Variants in CENPO observed in about 807,000 individuals in gnomAD.
The protein encoded by CENPO is centromere protein O.
In CENPO, 30 loss-of-function variants were observed where a neutral mutation model predicts 36.1. That is an observed-to-expected ratio of 0.83 (90% confidence interval 0.62 to 1.13). The LOEUF is 1.13. Among genes scored for constraint, CENPO ranks in the 50% most tolerant of loss-of-function variants. CENPO has a pLI of 0.00. For missense variants in CENPO, 349 were observed against 357.8 expected, an observed-to-expected ratio of 0.98 and a Z score of 0.20; for synonymous variants, 171 against 142.3, an observed-to-expected ratio of 1.20 and a Z score of -1.44.
chr2:24,822,351 T>C lies in CENPO; in HGVS notation c.*3033T>C, dbSNP rs903761674. 71 of 1,070,234 alleles carry C rather than the reference T, an allele frequency of 6.6e-5. No homozygotes were observed. The highest frequency in any genetic ancestry group is 1.9e-4 in the Admixed American group (8 of 42,958). The allele number at this position is 1,070,234 out of a possible 1,614,324, so 66.3% of individuals were successfully genotyped here. ...CTGTTTCTCTGCTTGCCGAACTTTC[T>C]CAATAAACCCTATTTCTTATTTATA... On this transcript the variant is annotated 3_prime_UTR_variant, in exon 8 of 8. Coordinates refer to ENST00000380834, the MANE Select transcript of CENPO (RefSeq NM_001322101.2).
intron 5 of CENPO, chr2:24,816,367 G>A (rs1004818298): frequency 2.9e-6 from 1 of 345,968 alleles, no homozygotes; most frequent in Non-Finnish European, 5.2e-6. Flanking sequence ...AAGCATCTTA[G>A]CCGTGTAACG....
At chr2:24,814,233 T>C in intron 3 of CENPO, 143 bp from the exon 4 acceptor site, 1 of 667,874 alleles carries the variant, frequency 1.5e-6, no homozygotes, top group Non-Finnish European at 2.7e-6. Context: ...AGTGAATTCA[T>C]AGCAATAACT....
At chr2:24,795,050 T>TA (rs1456591433) in intron 2 of CENPO, among the ~76,000 whole-genome samples, 1 of 152,224 alleles carries the variant, frequency 6.6e-6, no homozygotes, top group African/African-American at 2.4e-5. Context: ...GATTTATTGT[T>TA]ACTTTAAGAC....
chr2:24,796,344 AT>A (rs2148248138), intron 2 of CENPO, among the ~76,000 whole-genome samples: 1 of 152,100 alleles, frequency 6.6e-6, no homozygotes, highest in South Asian at 2.1e-4. Context: ...ACAGAGTGAG[AT>A]TTCGTCTCAG....
intron 2 of CENPO, among the ~76,000 whole-genome samples, chr2:24,797,464 A>G (rs1005422915): frequency 3.9e-5 from 6 of 152,196 alleles, no homozygotes; most frequent in African/African-American, 9.7e-5. Flanking sequence ...ATGGCCATTA[A>G]GGCTGTGGGT....
rs375613704 is a variant in CENPO at position 24,815,706 on chromosome 2, G to A, written c.544G>A (p.Glu182Lys). ...NIQHFLFSLCEYLNAYSGRKY... is the reference protein window; with the variant it reads ...NIQHFLFSLCKYLNAYSGRKY... ...CCAGCACTTCCTGTTCAGTCTCTGCGAGTACCTGAATGCTTACTCTGGGAG... is the reference window on the plus strand; with the variant it reads ...CCAGCACTTCCTGTTCAGTCTCTGCAAGTACCTGAATGCTTACTCTGGGAG... The change falls in exon 5 of 8, where the codon GAG becomes AAG. Residue 182 changes from glutamate to lysine, a missense_variant. Physicochemically the swap from Glu to Lys is moderately conservative, Grantham distance 56 (BLOSUM62 1). Transcript: ENST00000380834. 7 of 1,614,078 alleles carry A rather than the reference G, an allele frequency of 4.3e-6. No homozygotes were observed. The highest frequency in any genetic ancestry group is 4.5e-5 in the East Asian group (2 of 44,884).
chr2:24,822,304 A>G lies in CENPO; in HGVS notation c.*2986A>G. 3.1e-6 allele frequency: 2 copies of G among 636,250 alleles called. No homozygotes were observed. The highest frequency in any genetic ancestry group is 5.2e-6 in the Non-Finnish European group (2 of 386,250). The allele number at this position is 636,250 out of a possible 1,614,324, so 39.4% of individuals were successfully genotyped here. On this transcript the variant is annotated 3_prime_UTR_variant, in exon 8 of 8. Coordinates refer to ENST00000380834, the MANE Select transcript of CENPO (RefSeq NM_001322101.2). ...ACCATCTTAGGCCTGAGCTGTGAAC[A>G]GCAGGGGGTTGTGTGTCTGTTCTGT...
Position 24,820,996 on chromosome 2 carries a change from G to C in CENPO, c.*1678G>C, listed in dbSNP as rs1194744401. The C allele has an allele frequency of 8.6e-7, 1 of 1,167,106 alleles. No individual in the cohort carries two copies. Among genetic ancestry groups the C allele is most frequent in the Non-Finnish European group, 1.2e-6 (1 of 838,784 alleles). 72.3% of individuals were successfully genotyped at this position (1,167,106 alleles called of 1,614,324 possible). The stretch of plus-strand genomic sequence containing the variant: ...CAACTTGGCTGTATGCTATTGGAGG[G>C]TGGAAATCACATCTCCTGTTTATCC... On this transcript the variant is annotated 3_prime_UTR_variant, in exon 8 of 8. Transcript: ENST00000380834.
At chr2:24,814,201 A>G (rs1346236298) in intron 3 of CENPO, among the ~76,000 whole-genome samples, 175 bp from the exon 4 acceptor site, 1 of 152,178 alleles carries the variant, frequency 6.6e-6, no homozygotes, top group African/African-American at 2.4e-5. Flanking sequence ...TGGCATTGTG[A>G]CCCATGAGAT....
intron 5 of CENPO, chr2:24,816,089 C>G (rs1666927133): frequency 1.3e-5 from 4 of 296,706 alleles, no homozygotes; most frequent in Non-Finnish European, 1.9e-5. Context: ...TACCGAGTGC[C>G]TTGCTGAACC....
intron 4 of CENPO, 67 bp from the exon 5 acceptor site, chr2:24,815,430 G>T: frequency 7.8e-7 from 1 of 1,279,386 alleles, no homozygotes. Flanking sequence ...GAAGCTACTG[G>T]AGGCACAGAT....
chr2:24,801,705 T>G (rs1168541498), intron 3 of CENPO, among the ~76,000 whole-genome samples: 1 of 152,214 alleles, frequency 6.6e-6, no homozygotes, highest in South Asian at 2.1e-4. Flanking sequence ...TTGGTACCAG[T>G]ACCATGCTGT....
chr2:24,817,878 A>G, intron 7 of CENPO, 37 bp downstream of exon 7: 2 of 1,545,500 alleles, frequency 1.3e-6, no homozygotes, highest in Non-Finnish European at 1.8e-6. Flanking sequence ...CCAGGTGGGT[A>G]GTACTGTCTG....
chr2:24,804,732 C>T (rs1019404672), intron 3 of CENPO, among the ~76,000 whole-genome samples: 6 of 152,224 alleles, frequency 3.9e-5, no homozygotes, highest in African/African-American at 7.2e-5. Flanking sequence ...GTGGGTAGCC[C>T]GACCTTTCTC....
chr2:24,822,301 A>T lies in CENPO; in HGVS notation c.*2983A>T, dbSNP rs1667876663. The T allele has an allele frequency of 3.2e-6, 2 of 622,272 alleles. No homozygotes were observed. Among genetic ancestry groups the T allele is most frequent in the South Asian group, 4.2e-5 (2 of 47,684 alleles). 38.5% of individuals were successfully genotyped at this position (622,272 alleles called of 1,614,324 possible). A position where few individuals can be genotyped will look rare whatever the true frequency, so the allele number is the denominator to read the frequency against. On this transcript the variant is annotated 3_prime_UTR_variant, in exon 8 of 8. Transcript: ENST00000380834. ...ACAACCATCTTAGGCCTGAGCTGTGAACAGCAGGGGGTTGTGTGTCTGTTC... is the reference window on the plus strand; with the variant it reads ...ACAACCATCTTAGGCCTGAGCTGTGTACAGCAGGGGGTTGTGTGTCTGTTC...
chr2:24,821,100 C>T lies in CENPO; in HGVS notation c.*1782C>T. On this transcript the variant is annotated 3_prime_UTR_variant, in exon 8 of 8. Transcript: ENST00000380834. ...GCATGGTAGTGGCCAGCTTCTAACACAGCTGGTATTTCAAGTCTCCTGGGA... is the reference window on the plus strand; with the variant it reads ...GCATGGTAGTGGCCAGCTTCTAACATAGCTGGTATTTCAAGTCTCCTGGGA... The T allele has an allele frequency of 2.0e-6, 1 of 510,236 alleles. No homozygotes were observed. Among genetic ancestry groups the T allele is most frequent in the Non-Finnish European group, 3.4e-6 (1 of 290,972 alleles). 31.6% of individuals were successfully genotyped at this position (510,236 alleles called of 1,614,324 possible).
At chr2:24,808,400 T>A (rs1274028919) in intron 3 of CENPO, among the ~76,000 whole-genome samples, 1 of 151,924 alleles carries the variant, frequency 6.6e-6, no homozygotes, top group Non-Finnish European at 1.5e-5. Context: ...GGGGTTTCTC[T>A]ATTGTTGGCC....
Position 24,822,272 on chromosome 2 carries a change from G to A in CENPO, c.*2954G>A, listed in dbSNP as rs1667865145. Reference sequence around the variant, plus strand: ...CAGAGCCTTAGGGGGCCTGGCCACAGAACACAACCATCTTAGGCCTGAGCT... The same window carrying A: ...CAGAGCCTTAGGGGGCCTGGCCACAAAACACAACCATCTTAGGCCTGAGCT... On this transcript the variant is annotated 3_prime_UTR_variant, in exon 8 of 8. Coordinates refer to ENST00000380834, the MANE Select transcript of CENPO (RefSeq NM_001322101.2). 2.1e-6 allele frequency: 1 copy of A among 465,758 alleles called. No individual in the cohort carries two copies. Among genetic ancestry groups the A allele is most frequent in the Non-Finnish European group, 3.7e-6 (1 of 266,690 alleles). The allele number at this position is 465,758 out of a possible 1,614,324, so 28.9% of individuals were successfully genotyped here.
chr2:24,802,981 TATTA>T (rs1666224703), intron 3 of CENPO, among the ~76,000 whole-genome samples: 1 of 152,236 alleles, frequency 6.6e-6, no homozygotes, highest in South Asian at 2.1e-4. Flanking sequence ...GTTGGTAGGC[TATTA>T]ATTATTGCCT....
Sources: allele counts gnomAD v4.1 joint callset (sites outside exome capture counted in the v4.1 genomes callset), GRCh38; gene constraint gnomAD v4.1.1; transcripts MANE v1.5; gene names NCBI Gene and HGNC (gene_info 2026-07-23, HGNC 2026-07-21).